Variants in RPTOR observed in about 807,000 individuals in gnomAD.
The protein encoded by RPTOR is regulatory-associated protein of mTOR.
A neutral mutation model predicts 169.9 loss-of-function variants in RPTOR; 21 were observed. The ratio of observed to expected loss-of-function variants is 0.12; its 90% CI spans 0.09 to 0.18. The LOEUF (loss-of-function observed/expected upper bound fraction) is 0.18. RPTOR is among the 10% of genes least tolerant of loss of function. The pLI, the probability that RPTOR is intolerant of heterozygous loss-of-function variation, is 1.00. For missense variants in RPTOR, 1,133 were observed against 1,855.9 expected, an observed-to-expected ratio of 0.61 and a Z score of 7.16; for synonymous variants, 732 against 753.2, an observed-to-expected ratio of 0.97 and a Z score of 0.46.
At chr17:80,762,533 A>G (rs1054583356) in intron 6 of RPTOR, among the ~76,000 whole-genome samples, 3 of 152,250 alleles carry the variant, frequency 2.0e-5, no homozygotes, top group African/African-American at 4.8e-5. Flanking sequence ...GGTGGAAAGA[A>G]AGAGTTTGTC....
intron 7 of RPTOR, among the ~76,000 whole-genome samples, chr17:80,808,158 T>C (rs2067238427): frequency 6.7e-6 from 1 of 148,890 alleles, no homozygotes; most frequent in Admixed American, 6.7e-5. Context: ...GGCATGATGG[T>C]GTGCACCTGT....
At chr17:80,826,975 G>A (rs910281322) in intron 9 of RPTOR, among the ~76,000 whole-genome samples, 8 of 152,198 alleles carry the variant, frequency 5.3e-5, no homozygotes, top group Non-Finnish European at 7.3e-5. Context: ...GGCGACTGAC[G>A]TGAGCATGAA....
intron 23 of RPTOR, chr17:80,923,883 A>G (rs1042257377): frequency 5.2e-6 from 3 of 575,104 alleles, no homozygotes; most frequent in African/African-American, 4.3e-5. Flanking sequence ...CCTTAGGAGC[A>G]CTGCTGGGTG....
At chr17:80,550,213 C>G (rs1014600260) in intron 1 of RPTOR, among the ~76,000 whole-genome samples, 10 of 152,204 alleles carry the variant, frequency 6.6e-5, no homozygotes, top group African/African-American at 2.4e-4. Context: ...CAGTTTGTTG[C>G]TAAATCTAAA....
At chr17:80,933,060 A>G (rs2068916991) in intron 24 of RPTOR, among the ~76,000 whole-genome samples, 1 of 152,226 alleles carries the variant, frequency 6.6e-6, no homozygotes, top group Admixed American at 6.5e-5. Context: ...TATCTTTCCC[A>G]AAAGAAGGTA....
chr17:80,830,097 G>A (rs2067486636), intron 9 of RPTOR, among the ~76,000 whole-genome samples: 1 of 152,198 alleles, frequency 6.6e-6, no homozygotes, highest in African/African-American at 2.4e-5. Context: ...AGAAAGACTG[G>A]AAATGTGGTC....
At chr17:80,750,884 A>T (rs72851580) in intron 5 of RPTOR, among the ~76,000 whole-genome samples, 5,436 of 152,284 alleles carry the variant, frequency 0.036, 126 homozygotes, top group South Asian at 0.063. Context: ...AACAGTTAAC[A>T]TGGCAAATTT....
chr17:80,889,150 C>T (rs2068285222), intron 17 of RPTOR, among the ~76,000 whole-genome samples: 1 of 152,240 alleles, frequency 6.6e-6, no homozygotes, highest in African/African-American at 2.4e-5. Flanking sequence ...GAATGCGGAG[C>T]TCACAGCACT....
Position 80,936,973 on chromosome 17 carries a change from G to A in RPTOR, c.2920-3523G>A, listed in dbSNP as rs1213939366. On this transcript the variant is annotated intron_variant, in intron 24 of 33. Coordinates refer to ENST00000306801, the MANE Select transcript of RPTOR (RefSeq NM_020761.3). The surrounding 1 kb of genome is among the most constrained non-coding windows in gnomAD (Gnocchi z 4.1). Reference sequence around the variant, plus strand: ...TCACCTCTGTTGCCTGTGGACTCACGACGCACACCACTACCTCTTCCGCCT... The same window carrying A: ...TCACCTCTGTTGCCTGTGGACTCACAACGCACACCACTACCTCTTCCGCCT... Among the ~76,000 whole-genome samples, 1 of 152,308 alleles carries A rather than the reference G, an allele frequency of 6.6e-6. No individual in the cohort carries two copies. The highest frequency in any genetic ancestry group is 2.1e-4 in the South Asian group (1 of 4,824).
intron 20 of RPTOR, among the ~76,000 whole-genome samples, chr17:80,905,877 G>T (rs1022108849): frequency 6.6e-6 from 1 of 152,212 alleles, no homozygotes; most frequent in Non-Finnish European, 1.5e-5. Flanking sequence ...CTTCACAGTG[G>T]CCTGGTCCTC....
chr17:80,816,125 G>A (rs2067320698), intron 7 of RPTOR, among the ~76,000 whole-genome samples: 1 of 152,260 alleles, frequency 6.6e-6, no homozygotes, highest in African/African-American at 2.4e-5. Flanking sequence ...TAGCTAAAAA[G>A]TAATGGAAAA....
At chr17:80,879,262 C>T (rs1017320495) in intron 13 of RPTOR, among the ~76,000 whole-genome samples, 1 of 151,724 alleles carries the variant, frequency 6.6e-6, no homozygotes. Flanking sequence ...AGCTCCAACC[C>T]AGCCTGTCTG....
At chr17:80,661,351 C>T (rs9906377) in intron 3 of RPTOR, among the ~76,000 whole-genome samples, 15 of 152,230 alleles carry the variant, frequency 9.9e-5, no homozygotes, top group Middle Eastern at 3.4e-3. Flanking sequence ...GAGTCGGAGC[C>T]GGAGAGGCAG....
At chr17:80,851,029 G>A (rs1405194354) in intron 11 of RPTOR, among the ~76,000 whole-genome samples, 5 of 152,170 alleles carry the variant, frequency 3.3e-5, no homozygotes, top group Non-Finnish European at 5.9e-5. Context: ...CCTGGGGTCA[G>A]GCCACCCTCC....
rs1272241591 is a variant in RPTOR at position 80,949,462 on chromosome 17, C to G, written c.3285C>G (p.Val1095=). Residue 1095 remains valine (V), a synonymous_variant, in exon 28 of 34, where the codon GTC becomes GTG. Coordinates refer to ENST00000306801, the MANE Select transcript of RPTOR (RefSeq NM_020761.3). ...CCCCAGACGATGGTGCCATCAGGGTCTGGAAGAATTTTGCTGATTTGGAAA... is the reference window on the plus strand; with the variant it reads ...CCCCAGACGATGGTGCCATCAGGGTGTGGAAGAATTTTGCTGATTTGGAAA... The part of the protein sequence containing the change: ...LTATDDGAIR[V]WKNFADLEKN... 6.2e-7 allele frequency: 1 copy of G among 1,614,082 alleles called. No homozygotes were observed. Among genetic ancestry groups the G allele is most frequent in the Non-Finnish European group, 8.5e-7 (1 of 1,179,972 alleles).
chr17:80,920,965 G>A (rs2068737759), intron 21 of RPTOR, among the ~76,000 whole-genome samples: 1 of 152,228 alleles, frequency 6.6e-6, no homozygotes, highest in African/African-American at 2.4e-5. Context: ...AGCTCAGAAA[G>A]AACATGTATT....
At chr17:80,639,208 T>G in intron 2 of RPTOR, among the ~76,000 whole-genome samples, 1 of 151,544 alleles carries the variant, frequency 6.6e-6, no homozygotes, top group Admixed American at 6.6e-5. Context: ...GCTACACAAC[T>G]AATGAGTGGC....
At chr17:80,647,909 G>A (rs2065609713) in intron 3 of RPTOR, among the ~76,000 whole-genome samples, 1 of 152,168 alleles carries the variant, frequency 6.6e-6, no homozygotes, top group Admixed American at 6.5e-5. Context: ...CACAGCCCTG[G>A]TTTGTGGATT....
At chr17:80,684,068 C>T (rs1422478195) in intron 3 of RPTOR, among the ~76,000 whole-genome samples, 2 of 152,136 alleles carry the variant, frequency 1.3e-5, no homozygotes, top group African/African-American at 4.8e-5. Flanking sequence ...CTATCTGTTC[C>T]CAGTTATTTT....
Sources: allele counts gnomAD v4.1 joint callset (sites outside exome capture counted in the v4.1 genomes callset), GRCh38; gene constraint gnomAD v4.1.1; non-coding constraint Gnocchi (gnomAD v3.1); transcripts MANE v1.5; gene names NCBI Gene and HGNC (gene_info 2026-07-23, HGNC 2026-07-21).